Variants in SFXN3 observed in about 807,000 individuals in gnomAD.
The protein encoded by SFXN3 is sideroflexin-3.
A neutral mutation model predicts 40.4 loss-of-function variants in SFXN3; 31 were observed. That is an observed-to-expected ratio of 0.77 (90% CI 0.58 to 1.04). The LOEUF is 1.04. Among genes scored for constraint, SFXN3 ranks in the 50% least tolerant of loss-of-function variants. SFXN3 has a pLI of 0.00. For missense variants in SFXN3, 366 were observed against 408.2 expected (o/e 0.90, Z 0.89); for synonymous variants, 157 against 160.0 (o/e 0.98, Z 0.14).
At chr10:101,035,844 A>T in intron 4 of SFXN3, 159 bp from the exon 5 acceptor site, 1 of 1,118,632 alleles carries the variant, frequency 8.9e-7, no homozygotes, top group Non-Finnish European at 1.3e-6. Context: ...GTGTTTGTAT[A>T]AATGGGGGTG....
intron 2 of SFXN3, among the ~76,000 whole-genome samples, chr10:101,033,020 G>C (rs928578594): frequency 2.6e-5 from 4 of 152,206 alleles, no homozygotes; most frequent in Non-Finnish European, 2.9e-5. Flanking sequence ...GGACCAGGGA[G>C]AGCCTGGGGT....
rs1164603664 is a variant in SFXN3, at chr10:101,037,207, A to C, written c.721+4A>C. On this transcript the variant is annotated splice_donor_region_variant and intron_variant, in intron 8 of 11. Transcript: ENST00000393459. ...TGCATGGCGATTCCTGCCATGGGTA[A>C]GGCGGGAGTGGCTGGGTGGGGCATA... 1 of 1,613,984 alleles carries C rather than the reference A, an allele frequency of 6.2e-7. No homozygotes were observed. The highest frequency in any genetic ancestry group is 8.5e-7 in the Non-Finnish European group (1 of 1,180,022).
Position 101,035,978 on chromosome 10 carries a change from GAAGT to G in SFXN3, c.333-24_333-21del, listed in dbSNP as rs748412354. ...GATGAGGGCCACTGTAGACGGGGCA[GAAGT>G]GAGTGTCTTTGTTCCCTCAGGAAGA... On this transcript the variant is annotated intron_variant, in intron 4 of 11. Coordinates refer to ENST00000393459, the Ensembl canonical transcript of SFXN3. The G allele has an allele frequency of 1.6e-5, 26 of 1,595,778 alleles. No homozygotes were observed. The South Asian group carries it at 2.6e-4, about 16-fold the overall frequency.
rs775670808 is a variant in SFXN3, at chr10:101,035,674, C to A, written c.332+7C>A. ...GCATGCTCACATTCTACAGGCAGGT[C>A]TTGTCCCACGTCCCCTTCTTCAGTG... On this transcript the variant is annotated splice_region_variant and intron_variant, in intron 4 of 11. Coordinates refer to ENST00000393459, the Ensembl canonical transcript of SFXN3. The A allele has an allele frequency of 1.9e-6, 3 of 1,603,642 alleles. No individual in the cohort carries two copies. Among genetic ancestry groups the A allele is most frequent in the East Asian group, 4.5e-5 (2 of 44,828 alleles).
chr10:101,034,845 C>G, exon 3 of SFXN3: 1 of 1,613,950 alleles, frequency 6.2e-7, no homozygotes, highest in Non-Finnish European at 8.5e-7. Context: ...GAACATCGTG[C>G]AGAACTACAG....
chr10:101,038,533 G>A (rs1181906529), intron 9 of SFXN3, 110 bp from the exon 10 acceptor site: 4 of 1,599,732 alleles, frequency 2.5e-6, no homozygotes, highest in African/African-American at 2.7e-5. Flanking sequence ...ACGGCCACAG[G>A]TCTAAGGGCT....
chr10:101,032,538 G>A (rs807014), intron 2 of SFXN3, 56 bp downstream of exon 2: 1,326,784 of 1,489,372 alleles, frequency 0.89, 592,016 homozygotes, highest in East Asian at 1. Context: ...CAGAGAAGGA[G>A]GCCTGCCTTG....
intron 2 of SFXN3, 87 bp from the exon 3 acceptor site, chr10:101,034,605 G>C: frequency 6.9e-7 from 1 of 1,443,248 alleles, no homozygotes; most frequent in South Asian, 1.2e-5. Flanking sequence ...TAAGCTCAGG[G>C]GCCAGGGCAG....
chr10:101,036,138 A>G lies in SFXN3; in HGVS notation c.431+37A>G. The G allele has an allele frequency of 1.3e-6, 2 of 1,533,032 alleles. No homozygotes were observed. The highest frequency in any genetic ancestry group is 9.0e-7 in the Non-Finnish European group (1 of 1,107,598). 95.0% of individuals were successfully genotyped at this position (1,533,032 alleles called of 1,614,324 possible). On this transcript the variant is annotated intron_variant, in intron 5 of 11. Transcript: ENST00000393459. The surrounding 1 kb of genome is among the most constrained non-coding windows in gnomAD (Gnocchi z 4.2). ...CCCCCAGCAGCAGCTGCACTGTCCCATCTGACCCTCTCCTCCCAGCCTGCA... is the reference window on the plus strand; with the variant it reads ...CCCCCAGCAGCAGCTGCACTGTCCCGTCTGACCCTCTCCTCCCAGCCTGCA...
At chr10:101,038,204 T>G in intron 9 of SFXN3, 6 of 946,986 alleles carry the variant, frequency 6.3e-6, no homozygotes, top group African/African-American at 1.7e-5. Flanking sequence ...GGCTTGCACA[T>G]TTGAGGAACA....
chr10:101,038,749 T>TGG, intron 10 of SFXN3, 57 bp downstream of exon 10: 1 of 1,601,288 alleles, frequency 6.2e-7, no homozygotes, highest in South Asian at 1.1e-5. Flanking sequence ...ATGGTGGATG[T>TGG]GGGTGGGTAT....
chr10:101,037,850 A>G (rs1938696785), intron 9 of SFXN3: 2 of 1,074,172 alleles, frequency 1.9e-6, no homozygotes, highest in Non-Finnish European at 2.3e-6. Flanking sequence ...AGAATCATTT[A>G]TTCACAAATG....
chr10:101,033,943 C>T (rs1026786317), intron 2 of SFXN3, among the ~76,000 whole-genome samples: 1 of 152,040 alleles, frequency 6.6e-6, no homozygotes, highest in African/African-American at 2.4e-5. Context: ...ACATATCTCA[C>T]CTCCCACCAT....
intron 10 of SFXN3, 70 bp downstream of exon 10, chr10:101,038,762 AT>A: frequency 6.3e-7 from 1 of 1,597,846 alleles, no homozygotes; most frequent in South Asian, 1.1e-5. Context: ...GTGGGTATGG[AT>A]TGTCTTTAAG....
Position 101,036,538 on chromosome 10 carries a change from C to G in SFXN3, c.484C>G (p.Leu162Val). The G allele has an allele frequency of 6.2e-7, 1 of 1,614,140 alleles. No individual in the cohort carries two copies. Among genetic ancestry groups the G allele is most frequent in the Middle Eastern group, 1.7e-4 (1 of 6,060 alleles). Reference sequence around the variant, plus strand: ...CACCACTGGAGCTGTGGCCACGGCCCTGGGACTCAAATCCCTCACCAAGGT... The same window carrying G: ...CACCACTGGAGCTGTGGCCACGGCCGTGGGACTCAAATCCCTCACCAAGGT... Residue 162 changes from leucine to valine, a missense_variant, in exon 6 of 12, where the codon CTG (leucine) becomes GTG (valine). Coordinates refer to ENST00000393459, the Ensembl canonical transcript of SFXN3. This position sits in a 1 kb window ranked among gnomAD's most constrained non-coding sequence, Gnocchi z 4.2.
exon 4 of SFXN3, chr10:101,035,579 A>T: frequency 6.2e-7 from 1 of 1,614,130 alleles, no homozygotes; most frequent in East Asian, 2.2e-5. Context: ...CCATCCGGAC[A>T]CAGGGGAGAA....
chr10:101,037,739 C>T, intron 9 of SFXN3: 1 of 1,325,226 alleles, frequency 7.5e-7, no homozygotes, highest in Non-Finnish European at 9.7e-7. Flanking sequence ...CTTTTACCCC[C>T]TAGTGCCTCC....
In SFXN3 at chr10:101,039,732, G is replaced by T. The variant is rs190942469; in HGVS notation, c.*147G>T. ...ATTGAGGGTAGCAACCTATTAGGGT[G>T]GGGGAGGGACCTCCATAAGGCTTTT... On this transcript the variant is annotated 3_prime_UTR_variant, in exon 12 of 12. Transcript: ENST00000393459. The surrounding 1 kb of genome is among the most constrained non-coding windows in gnomAD (Gnocchi z 4.6). The T allele has an allele frequency of 1.3e-5, 9 of 701,554 alleles. No homozygotes were observed. Among genetic ancestry groups the T allele is most frequent in the Non-Finnish European group, 2.2e-5 (9 of 404,394 alleles). 43.5% of individuals were successfully genotyped at this position (701,554 alleles called of 1,614,324 possible). A position where few individuals can be genotyped will look rare whatever the true frequency, so the allele number is the denominator to read the frequency against.
intron 2 of SFXN3, among the ~76,000 whole-genome samples, chr10:101,032,981 G>A (rs981391449): frequency 1.3e-5 from 2 of 152,212 alleles, no homozygotes; most frequent in Non-Finnish European, 2.9e-5. Flanking sequence ...AGAGGTGGAT[G>A]AGTGTCTGTG....
Sources: gnomAD v4.1 joint callset for allele counts (sites outside exome capture counted in the v4.1 genomes callset) on GRCh38, gnomAD v4.1.1 for gene constraint, Gnocchi (gnomAD v3.1) non-coding constraint, MANE v1.5 for transcripts, NCBI Gene and HGNC (gene_info 2026-07-23, HGNC 2026-07-21) for gene names.